OSBP2: variants seen among roughly 807,000 people sequenced by gnomAD.
OSBP2 encodes oxysterol binding protein 2.
In OSBP2, 66 loss-of-function variants were observed where a neutral mutation model predicts 96.0. The observed-to-expected ratio is 0.69, with a 90% CI of 0.56 to 0.84. The LOEUF (loss-of-function observed/expected upper bound fraction) is 0.84. Ranked by LOEUF, OSBP2 falls within the 40% of genes least tolerant of loss-of-function variation. The probability of loss-of-function intolerance (pLI) is 0.00; values close to 1 mark genes in which losing one functional copy is unlikely to be tolerated. For missense variants in OSBP2, 1,038 were observed against 1,222.7 expected, an observed-to-expected ratio of 0.85 and a Z score of 2.25; for synonymous variants, 525 against 520.9, an observed-to-expected ratio of 1.01 and a Z score of -0.11.
chr22:30,746,484 A>ATT (rs1317978173), intron 2 of OSBP2, among the ~76,000 whole-genome samples: 4 of 75,804 alleles, frequency 5.3e-5, no homozygotes, highest in Non-Finnish European at 1.0e-4. Context: ...AGGATGAAAC[A>ATT]CTTTTTTTTT....
At chr22:30,787,444 A>C (rs1315568051) in intron 2 of OSBP2, among the ~76,000 whole-genome samples, 1 of 152,088 alleles carries the variant, frequency 6.6e-6, no homozygotes. Context: ...AGGCCGAGGC[A>C]GGTGGATCAT....
chr22:30,877,489 A>G (rs959763313), intron 3 of OSBP2, among the ~76,000 whole-genome samples: 3 of 152,164 alleles, frequency 2.0e-5, no homozygotes, highest in African/African-American at 7.2e-5. Flanking sequence ...GTACAGTGGC[A>G]CTGCCTCTGT....
intron 3 of OSBP2, among the ~76,000 whole-genome samples, chr22:30,880,724 T>G (rs1299779409): frequency 1.3e-5 from 2 of 152,168 alleles, no homozygotes; most frequent in African/African-American, 2.4e-5. Context: ...AGCAGTGAGA[T>G]CACTGTCAGG....
intron 2 of OSBP2, among the ~76,000 whole-genome samples, chr22:30,830,910 A>G (rs1396561172): frequency 6.6e-6 from 1 of 151,788 alleles, no homozygotes; most frequent in Non-Finnish European, 1.5e-5. Context: ...TCATTTTCAC[A>G]TGGCTGTACA....
Position 30,787,900 on chromosome 22 carries a change from G to A in OSBP2, c.853+46531G>A, listed in dbSNP as rs112645702. The stretch of plus-strand genomic sequence containing the variant: ...CTCGGAGCAAGGCAGGACAGTGGCC[G>A]AGGGGCCCGTGGGTCTTAGTGACAG... On this transcript the variant is annotated intron_variant, in intron 2 of 13. Coordinates refer to ENST00000332585, the MANE Select transcript of OSBP2 (RefSeq NM_030758.4). 3.5e-4 allele frequency among the ~76,000 whole-genome samples: 54 copies of A among 152,276 alleles called. 1 individual carries two copies. The highest frequency in any genetic ancestry group is 9.4e-4 in the African/African-American group (39 of 41,554).
intron 12 of OSBP2, among the ~76,000 whole-genome samples, chr22:30,903,805 A>G (rs538852983): frequency 8.5e-5 from 13 of 152,364 alleles, no homozygotes; most frequent in African/African-American, 2.9e-4. Context: ...AGGCAACATA[A>G]TGAGATACTG....
At chr22:30,747,005 AG>A (rs1340289634) in intron 2 of OSBP2, among the ~76,000 whole-genome samples, 2 of 152,258 alleles carry the variant, frequency 1.3e-5, no homozygotes, top group African/African-American at 4.8e-5. Context: ...GTGGAAGGGT[AG>A]TTCAACAACA....
At chr22:30,799,600 C>T (rs1483121864) in intron 2 of OSBP2, among the ~76,000 whole-genome samples, 1 of 152,268 alleles carries the variant, frequency 6.6e-6, no homozygotes, top group East Asian at 1.9e-4. Flanking sequence ...CCTGACTCCA[C>T]ATCTGATGCT....
intron 2 of OSBP2, among the ~76,000 whole-genome samples, chr22:30,824,886 C>T (rs1009908632): frequency 1.3e-5 from 2 of 152,116 alleles, no homozygotes; most frequent in African/African-American, 4.8e-5. Flanking sequence ...ATCACATGGG[C>T]CTCTATTCTG....
intron 12 of OSBP2, chr22:30,902,140 C>CAAAAAAAAAAAAAAAAAA (rs1239083048): frequency 7.0e-5 from 18 of 258,584 alleles, no homozygotes; most frequent in African/African-American, 1.7e-4. Flanking sequence ...AAAAAAAAAC[C>CAAAAAAAAAAAAAAAAAA]AAAAAAAAAA....
chr22:30,800,389 G>T (rs1354558258), intron 2 of OSBP2, among the ~76,000 whole-genome samples: 2 of 152,200 alleles, frequency 1.3e-5, no homozygotes, highest in African/African-American at 4.8e-5. Flanking sequence ...GGTGGAACCT[G>T]GGGCAGGCTG....
intron 1 of OSBP2, among the ~76,000 whole-genome samples, chr22:30,723,087 C>A (rs2089580624): frequency 6.6e-6 from 1 of 152,156 alleles, no homozygotes; most frequent in East Asian, 1.9e-4. Flanking sequence ...CCACACCTGC[C>A]TCAAATAACT....
chr22:30,876,274 C>A (rs1394991660), intron 3 of OSBP2, among the ~76,000 whole-genome samples: 1 of 152,240 alleles, frequency 6.6e-6, no homozygotes, highest in Non-Finnish European at 1.5e-5. Flanking sequence ...CTGAAGCCCC[C>A]CTCCTCTGTT....
At chr22:30,698,032 C>T (rs554563047) in intron 1 of OSBP2, among the ~76,000 whole-genome samples, 1 of 152,310 alleles carries the variant, frequency 6.6e-6, no homozygotes, top group Admixed American at 6.5e-5. Context: ...CTCCTGTCCC[C>T]ACTTCTGATC....
chr22:30,895,395 C>T (rs564826772), intron 12 of OSBP2, among the ~76,000 whole-genome samples: 1 of 152,148 alleles, frequency 6.6e-6, no homozygotes, highest in Admixed American at 6.6e-5. Context: ...AAATGTTCAT[C>T]TAGATCATGC....
chr22:30,758,401 A>AAAAAT (rs771481079), intron 2 of OSBP2, among the ~76,000 whole-genome samples: 15 of 152,302 alleles, frequency 9.8e-5, no homozygotes, highest in Admixed American at 5.9e-4. Context: ...ACTCTGTCTC[A>AAAAAT]AAAATAAAAT....
intron 2 of OSBP2, among the ~76,000 whole-genome samples, chr22:30,776,120 T>C (rs909864445): frequency 4.6e-5 from 7 of 151,660 alleles, no homozygotes; most frequent in African/African-American, 1.7e-4. Context: ...CTTTTCTTTT[T>C]TTTTTTTTTA....
intron 1 of OSBP2, among the ~76,000 whole-genome samples, chr22:30,717,091 TGTGTGTGTGTGTG>T (rs1458718526): frequency 4.7e-5 from 3 of 64,292 alleles, no homozygotes; most frequent in African/African-American, 1.6e-4. Context: ...TTACTGTTTT[TGTGTGTGTGTGTG>T]TGTGTGTGTG....
At chr22:30,830,192 G>A (rs561058261) in intron 2 of OSBP2, among the ~76,000 whole-genome samples, 1 of 152,334 alleles carries the variant, frequency 6.6e-6, no homozygotes, top group Non-Finnish European at 1.5e-5. Flanking sequence ...TCAAATAGAT[G>A]AGCAATATGA....
Sources: allele counts gnomAD v4.1 joint callset (sites outside exome capture counted in the v4.1 genomes callset), GRCh38; gene constraint gnomAD v4.1.1; transcripts MANE v1.5; gene names NCBI Gene and HGNC (gene_info 2026-07-23, HGNC 2026-07-21).